Variants in STRN3 observed in about 807,000 individuals in gnomAD.
STRN3 encodes the protein striatin-3.
Under a neutral mutation model 95.6 loss-of-function variants are expected in STRN3, and 29 were observed. That is an observed-to-expected ratio of 0.30 (90% confidence interval 0.23 to 0.41). The LOEUF (loss-of-function observed/expected upper bound fraction) is 0.41. STRN3 is among the 10% of genes least tolerant of loss of function. The probability of loss-of-function intolerance (pLI) is 1.00; values close to 1 mark genes in which losing one functional copy is unlikely to be tolerated. For missense variants in STRN3, 890 were observed against 972.1 expected (o/e 0.92, Z 1.12); for synonymous variants, 331 against 357.6 (o/e 0.93, Z 0.84).
intron 1 of STRN3, among the ~76,000 whole-genome samples, chr14:31,004,754 C>A (rs1378061391): frequency 2.6e-5 from 4 of 151,502 alleles, no homozygotes; most frequent in Non-Finnish European, 5.9e-5. Flanking sequence ...GCCTGGGCAA[C>A]AAGAGTGAAA....
chr14:31,012,446 A>G (rs965096201), intron 1 of STRN3, among the ~76,000 whole-genome samples: 1 of 152,222 alleles, frequency 6.6e-6, no homozygotes, highest in Non-Finnish European at 1.5e-5. Flanking sequence ...AACACAACAG[A>G]GTTTGAGGCA....
At chr14:30,988,953 A>G (rs532753119) in intron 1 of STRN3, among the ~76,000 whole-genome samples, 1 of 152,360 alleles carries the variant, frequency 6.6e-6, no homozygotes, top group Admixed American at 6.5e-5. Context: ...CTCTGGAAGT[A>G]AAGTGTCTTG....
At chr14:30,903,523 T>C (rs1223071471) in intron 15 of STRN3, among the ~76,000 whole-genome samples, 4 of 152,142 alleles carry the variant, frequency 2.6e-5, no homozygotes, top group African/African-American at 9.7e-5. Flanking sequence ...TGCTTCAGTC[T>C]CCAAAGCTAG....
intron 5 of STRN3, among the ~76,000 whole-genome samples, chr14:30,937,904 G>A (rs536122389): frequency 1.2e-3 from 182 of 152,032 alleles, no homozygotes; most frequent in Middle Eastern, 6.8e-3. Flanking sequence ...GATTATAGTC[G>A]TCCCTTGGTT....
At chr14:31,025,165 A>T (rs1182828933) in intron 1 of STRN3, 1 of 152,154 alleles carries the variant, frequency 6.6e-6, no homozygotes, top group Non-Finnish European at 1.5e-5. Flanking sequence ...TTTTTTATAG[A>T]TAAAGAAACG....
At chr14:30,940,340 T>C (rs1178954558) in intron 5 of STRN3, among the ~76,000 whole-genome samples, 3 of 152,130 alleles carry the variant, frequency 2.0e-5, no homozygotes, top group African/African-American at 7.2e-5. Context: ...ACATCTCCAA[T>C]AGCTTCCTGA....
intron 1 of STRN3, among the ~76,000 whole-genome samples, chr14:30,984,292 A>ACC (rs1566474971): frequency 7.8e-6 from 1 of 127,470 alleles, no homozygotes; most frequent in Admixed American, 8.2e-5. Context: ...AAAAAAAAAA[A>ACC]CAGAAAAGAA....
intron 1 of STRN3, among the ~76,000 whole-genome samples, chr14:30,986,832 A>T (rs770516100): frequency 6.6e-6 from 1 of 152,228 alleles, no homozygotes; most frequent in East Asian, 1.9e-4. Context: ...TGAAACTGTT[A>T]AAGGAAGGAA....
chr14:30,956,988 CT>C (rs1458354856), intron 1 of STRN3, among the ~76,000 whole-genome samples: 7 of 151,226 alleles, frequency 4.6e-5, no homozygotes, highest in Non-Finnish European at 8.8e-5. Flanking sequence ...GTGAAACCCC[CT>C]CTCTACAAAA....
At chr14:31,014,379 A>C (rs1251542580) in intron 1 of STRN3, among the ~76,000 whole-genome samples, 1 of 151,484 alleles carries the variant, frequency 6.6e-6, no homozygotes, top group East Asian at 2.0e-4. Context: ...TTGACACCAC[A>C]CCCTGCTAAT....
intron 1 of STRN3, among the ~76,000 whole-genome samples, chr14:31,021,670 CA>C (rs1401627818): frequency 6.6e-6 from 1 of 152,134 alleles, no homozygotes; most frequent in African/African-American, 2.4e-5. Context: ...ACAGGAAAAA[CA>C]GAGCGGAAGC....
At chr14:30,897,876 G>A (rs1046286926) in intron 16 of STRN3, among the ~76,000 whole-genome samples, 4 of 152,296 alleles carry the variant, frequency 2.6e-5, no homozygotes, top group African/African-American at 9.6e-5. Context: ...AAAGACCACA[G>A]TGTATAAAAT....
At chr14:30,971,729 C>T (rs1280595068) in intron 1 of STRN3, among the ~76,000 whole-genome samples, 1 of 152,118 alleles carries the variant, frequency 6.6e-6, no homozygotes, top group African/African-American at 2.4e-5. Flanking sequence ...ATGAGTCAGA[C>T]AGCAACTCAG....
Position 30,929,323 on chromosome 14 carries a change from A to C in STRN3, c.989-12T>G, listed in dbSNP as rs1378665161. Reference sequence around the variant, plus strand: ...GAGGTCATCTTTATCTACATGCAGCATATTATTAAAAGAAAAAAAATCAGC... The same window carrying C: ...GAGGTCATCTTTATCTACATGCAGCCTATTATTAAAAGAAAAAAAATCAGC... On this transcript the variant is annotated splice_polypyrimidine_tract_variant and intron_variant, in intron 7 of 17. Coordinates refer to ENST00000357479, the MANE Select transcript of STRN3 (RefSeq NM_001083893.2). 1 of 1,607,064 alleles carries C rather than the reference A, an allele frequency of 6.2e-7. No homozygotes were observed. The highest frequency in any genetic ancestry group is 8.5e-7 in the Non-Finnish European group (1 of 1,175,702).
chr14:30,991,188 G>A (rs1054004181), intron 1 of STRN3, among the ~76,000 whole-genome samples: 9 of 152,126 alleles, frequency 5.9e-5, no homozygotes, highest in African/African-American at 2.2e-4. Flanking sequence ...GAGGTCATGT[G>A]GAGTAGGGCA....
chr14:30,903,176 G>A (rs932330111), intron 15 of STRN3, among the ~76,000 whole-genome samples: 5 of 151,834 alleles, frequency 3.3e-5, no homozygotes, highest in African/African-American at 1.2e-4. Flanking sequence ...CAAATAAATG[G>A]GGGGAAACTC....
intron 1 of STRN3, among the ~76,000 whole-genome samples, chr14:30,979,031 C>T (rs1325712311): frequency 2.4e-5 from 1 of 41,868 alleles, no homozygotes; most frequent in African/African-American, 1.1e-4. Context: ...GAGACTCCAT[C>T]TCAAAAAAAA....
At position 30,992,602 on chromosome 14, in the gene STRN3, G is replaced by A. The variant is rs139017687; in HGVS notation, c.282+33302C>T. 2.8e-3 allele frequency among the ~76,000 whole-genome samples: 418 copies of A among 151,408 alleles called. 3 individuals are homozygous for A. The highest frequency in any genetic ancestry group is 4.6e-3 in the Non-Finnish European group (313 of 67,860). Reference sequence around the variant, plus strand: ...AAAAAAAAAAAAAAAGATGGGGTCGGGGGAAGCTAACGAAATGTGAAATAC... The same window carrying A: ...AAAAAAAAAAAAAAAGATGGGGTCGAGGGAAGCTAACGAAATGTGAAATAC... On this transcript the variant is annotated intron_variant, in intron 1 of 17. Transcript: ENST00000357479.
At chr14:30,966,936 G>A (rs937035140) in intron 1 of STRN3, among the ~76,000 whole-genome samples, 1 of 152,032 alleles carries the variant, frequency 6.6e-6, no homozygotes, top group South Asian at 2.1e-4. Flanking sequence ...AAGGGGAAAG[G>A]GGGGAAGCAG....
Sources: gnomAD v4.1 joint callset for allele counts (sites outside exome capture counted in the v4.1 genomes callset) on GRCh38, gnomAD v4.1.1 for gene constraint, MANE v1.5 for transcripts, NCBI Gene and HGNC (gene_info 2026-07-23, HGNC 2026-07-21) for gene names.